Variants in AK8 observed in about 807,000 individuals in gnomAD.
AK8 encodes the protein ATP-AMP transphosphorylase 8.
A neutral mutation model predicts 54.6 loss-of-function variants in AK8; 44 were observed. The observed-to-expected ratio is 0.81, with a 90% CI of 0.63 to 1.04. AK8 has a LOEUF of 1.04. Ranked by LOEUF, AK8 falls within the 50% of genes least tolerant of loss-of-function variation. AK8 has a pLI of 0.00. For synonymous variants in AK8, 239 were observed against 245.6 expected (o/e 0.97, Z 0.25); for missense variants, 555 against 613.6 (o/e 0.90, Z 1.01).
chr9:132,731,114 A>C (rs1418635578), intron 11 of AK8, among the ~76,000 whole-genome samples: 4 of 152,204 alleles, frequency 2.6e-5, no homozygotes, highest in African/African-American at 9.6e-5. Context: ...AAATCCCTAA[A>C]GTCTAAATTC....
intron 3 of AK8, among the ~76,000 whole-genome samples, chr9:132,865,522 A>T (rs1322806531): frequency 6.6e-6 from 1 of 152,222 alleles, no homozygotes; most frequent in Non-Finnish European, 1.5e-5. Flanking sequence ...CATTTTTGGC[A>T]CTTAAAAATG....
In AK8 at chr9:132,826,955, A is replaced by T. The variant is rs1003773855; in HGVS notation, c.656T>A (p.Leu219Gln). The change falls in exon 8 of 13, where the codon CTG (leucine) becomes CAG (glutamine). Residue 219 changes from leucine to glutamine, a missense_variant. Physicochemically the swap from Leu to Gln is moderately radical, Grantham distance 113 (BLOSUM62 -2). Coordinates refer to ENST00000298545, the MANE Select transcript of AK8 (RefSeq NM_152572.3). This position sits in a 1 kb window ranked among gnomAD's most constrained non-coding sequence, Gnocchi z 4.5. ...GACGATGTTCCTATGATACTCCAGC[A>T]GTTTCTGAGCCGTCTCCAGCTCTGA... ...DISELETAQK[L>Q]LEYHRNIVRV... 5 of 1,614,120 alleles carry T rather than the reference A, an allele frequency of 3.1e-6. No homozygotes were observed. Among genetic ancestry groups the T allele is most frequent in the Non-Finnish European group, 4.2e-6 (5 of 1,180,040 alleles).
At chr9:132,870,095 C>T (rs1843751010) in intron 2 of AK8, among the ~76,000 whole-genome samples, 1 of 152,190 alleles carries the variant, frequency 6.6e-6, no homozygotes, top group Non-Finnish European at 1.5e-5. Context: ...AACCTGACTC[C>T]ACGCATTCAT....
intron 11 of AK8, 108 bp from the exon 12 acceptor site, chr9:132,727,642 T>C (rs1836638448): frequency 3.7e-6 from 4 of 1,067,536 alleles, no homozygotes; most frequent in South Asian, 2.8e-5. Context: ...CTCCCAGGGC[T>C]GGCCGATTCC....
chr9:132,814,307 A>AG (rs1841215264), intron 10 of AK8, among the ~76,000 whole-genome samples: 1 of 142,018 alleles, frequency 7.0e-6, no homozygotes, highest in Non-Finnish European at 1.5e-5. Flanking sequence ...AAAAAAAAAA[A>AG]AGGATGTGGG....
intron 5 of AK8, among the ~76,000 whole-genome samples, 163 bp from the exon 6 acceptor site, chr9:132,828,889 ATAT>A (rs1841991546): frequency 6.6e-6 from 1 of 152,134 alleles, no homozygotes; most frequent in African/African-American, 2.4e-5. Context: ...ACTTTGTAAT[ATAT>A]TATTATATTC....
In AK8 at chr9:132,803,639, G is replaced by C. The variant is rs1418800715; in HGVS notation, c.980-10864C>G. On this transcript the variant is annotated intron_variant, in intron 10 of 12. Transcript: ENST00000298545. This position sits in a 1 kb window ranked among gnomAD's most constrained non-coding sequence, Gnocchi z 4.4. ...GAAAACTGAAGGGAGCTCTGAGGGG[G>C]CGCATGGCTTGCCCAGGAGCACAGC... is the stretch of plus-strand genomic sequence containing the variant. Among the ~76,000 whole-genome samples, 2 of 152,164 alleles carry C rather than the reference G, an allele frequency of 1.3e-5. No individual in the cohort carries two copies. The highest frequency in any genetic ancestry group is 4.8e-5 in the African/African-American group (2 of 41,440).
rs1168257130 is a variant in AK8 at position 132,795,774 on chromosome 9, T to C, written c.980-2999A>G. 2.6e-5 allele frequency among the ~76,000 whole-genome samples: 4 copies of C among 151,810 alleles called. No individual in the cohort carries two copies. The East Asian group carries it at 5.8e-4, about 22-fold the overall frequency. On this transcript the variant is annotated intron_variant, in intron 10 of 12. Transcript: ENST00000298545. ...GGTAACAAATAACCATTTCTAAGAG[T>C]CATGGGTACTGTGAAGAAAATCAAC...
At chr9:132,729,769 C>A (rs1360036139) in intron 11 of AK8, among the ~76,000 whole-genome samples, 1 of 152,110 alleles carries the variant, frequency 6.6e-6, no homozygotes, top group Non-Finnish European at 1.5e-5. Flanking sequence ...GTGACAACAT[C>A]AACGACAACA....
intron 11 of AK8, among the ~76,000 whole-genome samples, chr9:132,751,186 C>T (rs1025724666): frequency 2.0e-5 from 3 of 151,706 alleles, no homozygotes; most frequent in African/African-American, 7.3e-5. Context: ...GAGTTCAAGA[C>T]CAGCCCGGCC....
intron 5 of AK8, among the ~76,000 whole-genome samples, chr9:132,840,954 G>C (rs1431341776): frequency 6.6e-6 from 1 of 152,114 alleles, no homozygotes; most frequent in Non-Finnish European, 1.5e-5. Context: ...AGAAGTAGCA[G>C]ACTTCTACTC....
At chr9:132,864,724 G>A (rs1588232180) in intron 3 of AK8, among the ~76,000 whole-genome samples, 1 of 152,332 alleles carries the variant, frequency 6.6e-6, no homozygotes, top group Non-Finnish European at 1.5e-5. Flanking sequence ...CGACAGAGAG[G>A]ACAAACTCGA....
intron 11 of AK8, among the ~76,000 whole-genome samples, chr9:132,749,664 C>G (rs1047866163): frequency 2.0e-5 from 3 of 151,836 alleles, no homozygotes; most frequent in African/African-American, 4.8e-5. Context: ...TTGCTGTTTC[C>G]CAAATGCAGG....
chr9:132,826,721 T>C lies in AK8; in HGVS notation c.757+133A>G, dbSNP rs1243328653. The C allele has an allele frequency of 3.8e-6, 4 of 1,046,172 alleles. No homozygotes were observed. The highest frequency in any genetic ancestry group is 5.0e-5 in the East Asian group (2 of 39,902). 64.8% of individuals were successfully genotyped at this position (1,046,172 alleles called of 1,614,324 possible). A position where few individuals can be genotyped will look rare whatever the true frequency, so the allele number is the denominator to read the frequency against. ...CTGGGCAGGGAACCCGGGTCATCTATGTCTTGACTTCCAGGGTCCCAGGCA... is the reference window on the plus strand; with the variant it reads ...CTGGGCAGGGAACCCGGGTCATCTACGTCTTGACTTCCAGGGTCCCAGGCA... On this transcript the variant is annotated intron_variant, in intron 8 of 12. Transcript: ENST00000298545. This position sits in a 1 kb window ranked among gnomAD's most constrained non-coding sequence, Gnocchi z 4.5.
rs188168150 is a variant in AK8, at chr9:132,848,302, C to T, written c.402+6555G>A. Among the ~76,000 whole-genome samples the T allele has an allele frequency of 4.6e-5, 7 of 152,186 alleles. No homozygotes were observed. In the South Asian group the frequency reaches 1.2e-3, roughly 27 times the overall value. ...GAAAATGCTGGCCCATTTCCAGTCA[C>T]TCGGGCCATCTTTCCCTCCCCTTTA... On this transcript the variant is annotated intron_variant, in intron 5 of 12. Coordinates refer to ENST00000298545, the MANE Select transcript of AK8 (RefSeq NM_152572.3).
Position 132,823,313 on chromosome 9 carries a change from G to T in AK8, c.781C>A (p.His261Asn). 6.2e-7 allele frequency: 1 copy of T among 1,613,966 alleles called. No homozygotes were observed. Among genetic ancestry groups the T allele is most frequent in the South Asian group, 1.1e-5 (1 of 91,060 alleles). ...YQALTYVQSNHRTNAPFTPRV... is the reference protein window; with the variant it reads ...YQALTYVQSNNRTNAPFTPRV... ...GGGGTGAACGGGGCATTAGTACGAT[G>T]GTTGCTTTGGACATAGGTCAGAGCT... The change falls in exon 9 of 13, where the codon CAT (histidine) becomes AAT (asparagine). Residue 261 changes from histidine to asparagine, a missense_variant. By Grantham distance (68) the His-to-Asn change is moderately conservative. Coordinates refer to ENST00000298545, the MANE Select transcript of AK8 (RefSeq NM_152572.3).
intron 10 of AK8, among the ~76,000 whole-genome samples, chr9:132,806,038 G>A (rs542146952): frequency 6.6e-6 from 1 of 151,952 alleles, no homozygotes; most frequent in Non-Finnish European, 1.5e-5. Context: ...CCTGGGGGAG[G>A]CAACGCGAAG....
At chr9:132,798,245 C>T (rs1840271376) in intron 10 of AK8, among the ~76,000 whole-genome samples, 1 of 152,164 alleles carries the variant, frequency 6.6e-6, no homozygotes. Flanking sequence ...GTGTAAATTC[C>T]CCAAACCCAC....
intron 4 of AK8, among the ~76,000 whole-genome samples, chr9:132,861,158 T>A (rs567567957): frequency 2.6e-5 from 4 of 152,320 alleles, no homozygotes; most frequent in Non-Finnish European, 5.9e-5. Flanking sequence ...CCCAGCATCC[T>A]GGGGCACCAT....
Sources: allele counts gnomAD v4.1 joint callset (sites outside exome capture counted in the v4.1 genomes callset), GRCh38; gene constraint gnomAD v4.1.1; non-coding constraint Gnocchi (gnomAD v3.1); transcripts MANE v1.5; gene names NCBI Gene and HGNC (gene_info 2026-07-23, HGNC 2026-07-21).